Variants in PARP8 observed in about 807,000 individuals in gnomAD.
The protein encoded by PARP8 is poly(ADP-ribose) polymerase family member 8.
In PARP8, 51 loss-of-function variants were observed where a neutral mutation model predicts 124.1. The observed-to-expected ratio is 0.41, with a 90% confidence interval of 0.33 to 0.52. The LOEUF (loss-of-function observed/expected upper bound fraction) is 0.52, where lower values mean the gene tolerates loss of function less well. Among genes scored for constraint, PARP8 ranks in the 20% least tolerant of loss-of-function variants. The probability of loss-of-function intolerance (pLI) is 0.21; values close to 1 mark genes in which losing one functional copy is unlikely to be tolerated. For synonymous variants in PARP8, 391 were observed against 361.5 expected, an observed-to-expected ratio of 1.08 and a Z score of -0.93; for missense variants, 860 against 1,018.9, an observed-to-expected ratio of 0.84 and a Z score of 2.12.
intron 2 of PARP8, among the ~76,000 whole-genome samples, chr5:50,733,158 G>C (rs749325254): frequency 1.3e-5 from 2 of 151,784 alleles, no homozygotes; most frequent in African/African-American, 4.8e-5. Context: ...AAAAAAATTA[G>C]CCAGGCGTGG....
chr5:50,679,133 A>C (rs1361451337), intron 2 of PARP8, among the ~76,000 whole-genome samples: 2 of 152,218 alleles, frequency 1.3e-5, no homozygotes, highest in East Asian at 1.9e-4. Context: ...CACTTAAAAA[A>C]AAAATCTACC....
chr5:50,746,918 A>T lies in PARP8; in HGVS notation c.147-3233A>T, dbSNP rs116673462. On this transcript the variant is annotated intron_variant, in intron 2 of 25. Transcript: ENST00000281631. ...GTGGTGCAAATCTGTAGTCCAATCT[A>T]CCCAGGAGGCTGCAGGGGGCAGTTG... Among the ~76,000 whole-genome samples the T allele has an allele frequency of 2.1e-3, 323 of 152,148 alleles. 1 individual carries two copies. Among genetic ancestry groups the T allele is most frequent in the African/African-American group, 7.1e-3 (295 of 41,494 alleles).
chr5:50,726,363 C>T (rs933254356), intron 2 of PARP8, among the ~76,000 whole-genome samples: 1 of 152,066 alleles, frequency 6.6e-6, no homozygotes, highest in African/African-American at 2.4e-5. Context: ...TAATCTAGTT[C>T]ATTAGCTACT....
At chr5:50,742,297 T>TC (rs1242543279) in intron 2 of PARP8, among the ~76,000 whole-genome samples, 1 of 152,224 alleles carries the variant, frequency 6.6e-6, no homozygotes, top group Non-Finnish European at 1.5e-5. Flanking sequence ...CTAGTTTTTT[T>TC]CCCCACTCAC....
rs756704501 is a variant in PARP8 at position 50,795,001 on chromosome 5, A to C, written c.1012A>C (p.Arg338=). ...TGATGTGTGTGTCACAAAGTCACACAGGACCTTTGGCCGCTCCTTGTCCAG... is the reference window on the plus strand; with the variant it reads ...TGATGTGTGTGTCACAAAGTCACACCGGACCTTTGGCCGCTCCTTGTCCAG... ...TDDVCVTKSH[R]TFGRSLSSDP... The change falls in exon 12 of 26, where the codon AGG becomes CGG. Residue 338 remains arginine, a synonymous_variant. Coordinates refer to ENST00000281631, the MANE Select transcript of PARP8 (RefSeq NM_024615.4). 6.2e-7 allele frequency: 1 copy of C among 1,614,144 alleles called. No homozygotes were observed. Among genetic ancestry groups the C allele is most frequent in the Non-Finnish European group, 8.5e-7 (1 of 1,180,058 alleles).
chr5:50,706,918 T>C (rs933475339), intron 2 of PARP8, among the ~76,000 whole-genome samples: 1 of 152,114 alleles, frequency 6.6e-6, no homozygotes, highest in African/African-American at 2.4e-5. Context: ...GATGCTAGCA[T>C]ACAGTGATTG....
chr5:50,734,972 T>C (rs1019161634), intron 2 of PARP8, among the ~76,000 whole-genome samples: 4 of 152,066 alleles, frequency 2.6e-5, no homozygotes, highest in African/African-American at 9.7e-5. Context: ...TATTAAAATA[T>C]GCAGAATAAT....
intron 14 of PARP8, 138 bp downstream of exon 14, chr5:50,797,371 G>A: frequency 1.7e-6 from 1 of 601,320 alleles, no homozygotes; most frequent in Non-Finnish European, 2.8e-6. Flanking sequence ...ATATAATTTT[G>A]ACAAAATAGT....
intron 18 of PARP8, 144 bp from the exon 19 acceptor site, chr5:50,826,611 C>A: frequency 9.4e-7 from 1 of 1,061,192 alleles, no homozygotes. Flanking sequence ...AGGAAACAAA[C>A]CTAAATTATG....
intron 25 of PARP8, among the ~76,000 whole-genome samples, chr5:50,840,666 TGAGA>T (rs952830728): frequency 2.0e-5 from 3 of 151,720 alleles, no homozygotes; most frequent in African/African-American, 7.3e-5. Context: ...TTGCATATCA[TGAGA>T]GAGAGAAAAC....
chr5:50,700,677 CTGTT>C (rs1753499396), intron 2 of PARP8, among the ~76,000 whole-genome samples: 1 of 152,162 alleles, frequency 6.6e-6, no homozygotes, highest in Non-Finnish European at 1.5e-5. Flanking sequence ...TTTCTCTTAA[CTGTT>C]TGCAGTCTCT....
chr5:50,838,126 CA>C (rs1288221399), intron 25 of PARP8, among the ~76,000 whole-genome samples: 1 of 152,060 alleles, frequency 6.6e-6, no homozygotes, highest in East Asian at 1.9e-4. Flanking sequence ...GCTAATACCT[CA>C]AAATCAATAT....
intron 14 of PARP8, 22 bp downstream of exon 14, chr5:50,797,255 G>A: frequency 6.7e-7 from 1 of 1,492,680 alleles, no homozygotes; most frequent in Non-Finnish European, 9.2e-7. Context: ...CTGATAGAAT[G>A]TCCGTGTTGG....
At chr5:50,741,961 A>C in intron 2 of PARP8, 1 of 382,372 alleles carries the variant, frequency 2.6e-6, no homozygotes, top group Non-Finnish European at 5.1e-6. Context: ...GGTGCACACA[A>C]CCACGCCTGG....
chr5:50,823,213 G>A (rs1325912584), intron 17 of PARP8, among the ~76,000 whole-genome samples: 2 of 152,178 alleles, frequency 1.3e-5, no homozygotes, highest in Non-Finnish European at 1.5e-5. Flanking sequence ...CTGTCCCAGG[G>A]CCCACTAAGC....
At chr5:50,701,740 C>T (rs1188612349) in intron 2 of PARP8, among the ~76,000 whole-genome samples, 1 of 152,072 alleles carries the variant, frequency 6.6e-6, no homozygotes, top group African/African-American at 2.4e-5. Context: ...ATAGCTACAT[C>T]CTACAAAAAT....
chr5:50,689,593 A>ACATTAGT (rs1222004412), intron 2 of PARP8, among the ~76,000 whole-genome samples: 1 of 152,192 alleles, frequency 6.6e-6, no homozygotes, highest in Non-Finnish European at 1.5e-5. Context: ...TCATGGACTC[A>ACATTAGT]CATTAGTCAT....
intron 14 of PARP8, among the ~76,000 whole-genome samples, chr5:50,811,366 C>T (rs1744416176): frequency 1.3e-5 from 2 of 150,936 alleles, no homozygotes; most frequent in Non-Finnish European, 2.9e-5. Context: ...GTTTGTTATT[C>T]GTGATAGGAA....
At chr5:50,667,961 T>C in intron 1 of PARP8, 110 bp from the exon 2 acceptor site, 1 of 1,596,076 alleles carries the variant, frequency 6.3e-7, no homozygotes. Context: ...GCCCTTGCCT[T>C]CTGCCCGGCC....
Sources: allele counts gnomAD v4.1 joint callset (sites outside exome capture counted in the v4.1 genomes callset), GRCh38; gene constraint gnomAD v4.1.1; transcripts MANE v1.5; gene names NCBI Gene and HGNC (gene_info 2026-07-23, HGNC 2026-07-21).